The following ABCG2 variants were observed in gnomAD, a reference collection of about 807,000 sequenced individuals.
The protein encoded by ABCG2 is ATP binding cassette subfamily G member 2 (JR blood group).
A neutral mutation model predicts 73.5 loss-of-function variants in ABCG2; 80 were observed. That is an observed-to-expected ratio of 1.09 (90% confidence interval 0.91 to 1.31). The LOEUF (loss-of-function observed/expected upper bound fraction) is 1.31. Ranked by LOEUF, ABCG2 falls within the 50% of genes most tolerant of loss-of-function variation. The pLI, the probability that ABCG2 is intolerant of heterozygous loss-of-function variation, is 0.00. For synonymous variants in ABCG2, 269 were observed against 282.4 expected, an observed-to-expected ratio of 0.95 and a Z score of 0.48; for missense variants, 796 against 786.2, an observed-to-expected ratio of 1.01 and a Z score of -0.15.
chr4:88,202,066 A>G (rs1227302981), intron 1 of ABCG2, among the ~76,000 whole-genome samples: 1 of 152,044 alleles, frequency 6.6e-6, no homozygotes, highest in African/African-American at 2.4e-5. Context: ...GAGAGGTCTT[A>G]GAAGCCAAGA....
In ABCG2 at chr4:88,093,117, G is replaced by A. The variant is rs1721748362; in HGVS notation, c.1821-736C>T. On this transcript the variant is annotated intron_variant, in intron 15 of 15. Coordinates refer to ENST00000237612, the MANE Select transcript of ABCG2 (RefSeq NM_004827.3). ...AATCATCTTGTACTAAAAAGACCTT[G>A]GACAGCCACAGTTACTGCCTGATAC... Among the ~76,000 whole-genome samples, 4 of 152,134 alleles carry A rather than the reference G, an allele frequency of 2.6e-5. 1 individual carries two copies. The highest frequency in any genetic ancestry group is 9.7e-5 in the African/African-American group (4 of 41,424).
intron 1 of ABCG2, among the ~76,000 whole-genome samples, chr4:88,168,485 C>A (rs201415173): frequency 5.4e-4 from 74 of 137,718 alleles, no homozygotes; most frequent in South Asian, 7.2e-4. Flanking sequence ...GGCTTCCTCT[C>A]AAAAAAAAAA....
intron 14 of ABCG2, 98 bp downstream of exon 14, chr4:88,095,422 T>G: frequency 8.8e-7 from 1 of 1,139,544 alleles, no homozygotes; most frequent in Non-Finnish European, 1.3e-6. Flanking sequence ...GATGGGAGAC[T>G]TTCACAGCTC....
intron 1 of ABCG2, among the ~76,000 whole-genome samples, chr4:88,230,427 C>T (rs1399558488): frequency 6.0e-5 from 9 of 151,252 alleles, no homozygotes; most frequent in Admixed American, 5.9e-4. Context: ...TGACCACCAG[C>T]CACACCAGAT....
chr4:88,205,857 A>G (rs979578092), intron 1 of ABCG2, among the ~76,000 whole-genome samples: 3 of 151,978 alleles, frequency 2.0e-5, no homozygotes, highest in African/African-American at 7.3e-5. Flanking sequence ...TAATTTTTGT[A>G]TTTTTAGTAG....
intron 1 of ABCG2, among the ~76,000 whole-genome samples, chr4:88,200,515 C>A (rs1032871990): frequency 6.6e-6 from 1 of 151,634 alleles, no homozygotes; most frequent in African/African-American, 2.4e-5. Context: ...ATCAGAAAAT[C>A]AATAAAGGTC....
intron 3 of ABCG2, among the ~76,000 whole-genome samples, chr4:88,132,334 T>C (rs1724950401): frequency 6.6e-6 from 1 of 152,168 alleles, no homozygotes. Flanking sequence ...TATTAGCTGA[T>C]AACATGGTCA....
intron 1 of ABCG2, among the ~76,000 whole-genome samples, chr4:88,197,973 T>G (rs191193861): frequency 1.3e-3 from 197 of 147,050 alleles, no homozygotes; most frequent in Admixed American, 4.1e-3. Flanking sequence ...CAGGTTGCAG[T>G]GAGCCGAAAT....
At chr4:88,161,224 GGTTA>G (rs1291546589), upstream of ABCG2, among the ~76,000 whole-genome samples, 1 of 135,546 alleles carries the variant, frequency 7.4e-6, no homozygotes, top group Non-Finnish European at 1.6e-5. Flanking sequence ...ACATTGTGCA[GGTTA>G]GTTACATATG....
intron 1 of ABCG2, among the ~76,000 whole-genome samples, chr4:88,174,319 C>CT (rs1488138965): frequency 6.6e-6 from 1 of 152,098 alleles, no homozygotes; most frequent in African/African-American, 2.4e-5. Context: ...TTTCCCTCTC[C>CT]TTGCTCCCTA....
chr4:88,228,886 T>TAA (rs35484000), intron 1 of ABCG2, among the ~76,000 whole-genome samples: 1 of 147,484 alleles, frequency 6.8e-6, no homozygotes, highest in African/African-American at 2.5e-5. Flanking sequence ...CAGCACTCTG[T>TAA]AAAATGCACC....
At chr4:88,225,035 T>C (rs950192587) in intron 1 of ABCG2, among the ~76,000 whole-genome samples, 3 of 152,234 alleles carry the variant, frequency 2.0e-5, no homozygotes, top group Admixed American at 1.3e-4. Flanking sequence ...TCTATTCCAT[T>C]GATCTGGATG....
chr4:88,093,452 G>A (rs542533875), intron 15 of ABCG2, among the ~76,000 whole-genome samples: 1 of 150,164 alleles, frequency 6.7e-6, no homozygotes, highest in African/African-American at 2.5e-5. Flanking sequence ...TGCAGTGAGC[G>A]GACATCGTGC....
intron 1 of ABCG2, among the ~76,000 whole-genome samples, chr4:88,204,413 C>T (rs1305253467): frequency 2.6e-5 from 4 of 152,130 alleles, no homozygotes; most frequent in Non-Finnish European, 4.4e-5. Flanking sequence ...GAGCAAGACT[C>T]CATCTCAAAC....
intron 1 of ABCG2, among the ~76,000 whole-genome samples, chr4:88,184,919 C>T (rs1471630160): frequency 6.6e-6 from 1 of 152,092 alleles, no homozygotes; most frequent in Non-Finnish European, 1.5e-5. Context: ...TCATTTTTGA[C>T]AAAGGTCTCA....
intron 8 of ABCG2, among the ~76,000 whole-genome samples, chr4:88,114,354 C>T (rs774027728): frequency 1.8e-4 from 28 of 152,086 alleles, no homozygotes; most frequent in Admixed American, 5.2e-4. Context: ...TGGCCAGGGG[C>T]GGTGGCTCAC....
intron 1 of ABCG2, among the ~76,000 whole-genome samples, chr4:88,169,046 CT>C (rs55711211): frequency 0.28 from 38,820 of 138,654 alleles, 6,186 homozygotes; most frequent in African/African-American, 0.5. Context: ...AAGTAGTTAT[CT>C]TTTTTTTTTT....
At chr4:88,229,978 C>CATCATTATTATT (rs1553902138) in intron 1 of ABCG2, among the ~76,000 whole-genome samples, 2 of 143,550 alleles carry the variant, frequency 1.4e-5, no homozygotes, top group South Asian at 2.2e-4. Flanking sequence ...TTCTGGCATG[C>CATCATTATTATT]ATTATTATTA....
At chr4:88,201,209 CAA>C (rs3061250) in intron 1 of ABCG2, among the ~76,000 whole-genome samples, 12 of 106,266 alleles carry the variant, frequency 1.1e-4, no homozygotes, top group Admixed American at 4.1e-4. Context: ...GCACTAACTG[CAA>C]AAAAAAAAAA....
Sources: allele counts gnomAD v4.1 joint callset (sites outside exome capture counted in the v4.1 genomes callset), GRCh38; gene constraint gnomAD v4.1.1; transcripts MANE v1.5; gene names NCBI Gene and HGNC (gene_info 2026-07-23, HGNC 2026-07-21).